SPTY2D1: variants seen among roughly 807,000 people sequenced by gnomAD.
The protein encoded by SPTY2D1 is protein SPT2 homolog.
Under a neutral mutation model 64.0 loss-of-function variants are expected in SPTY2D1, and 21 were observed. The observed-to-expected ratio is 0.33, with a 90% CI of 0.23 to 0.47. The LOEUF is 0.47. Among genes scored for constraint, SPTY2D1 ranks in the 20% least tolerant of loss-of-function variants. The pLI is 1.00. For synonymous variants in SPTY2D1, 287 were observed against 286.8 expected, an observed-to-expected ratio of 1.00 and a Z score of -0.01; for missense variants, 724 against 837.2, an observed-to-expected ratio of 0.86 and a Z score of 1.67.
chr11:18,609,342 TA>T lies in SPTY2D1; in HGVS notation c.*518del, dbSNP rs1452649095. The T allele has an allele frequency of 6.5e-6, 1 of 153,440 alleles. No individual in the cohort carries two copies. The highest frequency in any genetic ancestry group is 1.5e-5 in the Non-Finnish European group (1 of 68,618). The allele number at this position is 153,440 out of a possible 1,614,324, so 9.5% of individuals were successfully genotyped here. On this transcript the variant is annotated 3_prime_UTR_variant, in exon 6 of 6. Coordinates refer to ENST00000336349, the MANE Select transcript of SPTY2D1 (RefSeq NM_194285.3). ...CAGGATGACATCCATATGATAGTTATAAATTCTACTCTACATTTTCAAGTTC... is the reference window on the plus strand; with the variant it reads ...CAGGATGACATCCATATGATAGTTATAATTCTACTCTACATTTTCAAGTTC...
At chr11:18,622,086 C>CAAAAAAAAAAAAAAAAAAAAAA (rs747593791) in intron 1 of SPTY2D1, among the ~76,000 whole-genome samples, 9 of 11,820 alleles carry the variant, frequency 7.6e-4, no homozygotes, top group African/African-American at 2.1e-3. Flanking sequence ...GACCCTATCT[C>CAAAAAAAAAAAAAAAAAAAAAA]AAAAAAAAAA....
chr11:18,607,390 T>C lies in SPTY2D1; in HGVS notation c.*2471A>G, dbSNP rs568402647. ...GAGCCATGAGTTTTATGAAAACTACTTTCCTTTCACATCATTTGTTAGAGA... is the reference window on the plus strand; with the variant it reads ...GAGCCATGAGTTTTATGAAAACTACCTTCCTTTCACATCATTTGTTAGAGA... On this transcript the variant is annotated 3_prime_UTR_variant, in exon 6 of 6. Coordinates refer to ENST00000336349, the MANE Select transcript of SPTY2D1 (RefSeq NM_194285.3). The C allele has an allele frequency of 1.7e-4, 26 of 152,616 alleles. No homozygotes were observed. Among genetic ancestry groups the C allele is most frequent in the Non-Finnish European group, 3.2e-4 (22 of 68,054 alleles). 9.5% of individuals were successfully genotyped at this position (152,616 alleles called of 1,614,324 possible).
rs1854221220 is a variant in SPTY2D1 at position 18,612,397 on chromosome 11, C to T, written c.1803G>A (p.Met601Ile). The change falls in exon 4 of 6, where the codon ATG becomes ATA. Residue 601 changes from methionine to isoleucine, a missense_variant. This residue lies in a region of SPTY2D1 where 119 missense variants were observed against 172.9 expected (regional missense o/e 0.69). Coordinates refer to ENST00000336349, the MANE Select transcript of SPTY2D1 (RefSeq NM_194285.3). This position sits in a 1 kb window ranked among gnomAD's most constrained non-coding sequence, Gnocchi z 4.6. Reference sequence around the variant, plus strand: ...CTCCTTCATCTTCAATAAAATCTTCCATTTCAGAGTCGTATTCATCATCAT... The same window carrying T: ...CTCCTTCATCTTCAATAAAATCTTCTATTTCAGAGTCGTATTCATCATCAT... Reference protein sequence around the residue: ...DDDDDEYDSEMEDFIEDEGEP... With the variant: ...DDDDDEYDSEIEDFIEDEGEP... The T allele has an allele frequency of 6.2e-7, 1 of 1,611,182 alleles. No individual in the cohort carries two copies. The highest frequency in any genetic ancestry group is 8.5e-7 in the Non-Finnish European group (1 of 1,178,192).
chr11:18,615,734 C>G lies in SPTY2D1; in HGVS notation c.540G>C (p.Gln180His). ...TDLLRLAEKK[Q>H]FEPVEIKVVK... Reference sequence around the variant, plus strand: ...CTACCTTGATTTCCACTGGTTCAAACTGCTTTTTCTCAGCCAGCCTGAGTA... The same window carrying G: ...CTACCTTGATTTCCACTGGTTCAAAGTGCTTTTTCTCAGCCAGCCTGAGTA... The change falls in exon 3 of 6, where the codon CAG (glutamine) becomes CAC (histidine). Residue 180 changes from glutamine (Q) to histidine (H), a missense_variant. This residue lies in a region of SPTY2D1 where 179 missense variants were observed against 232.5 expected (regional missense o/e 0.77). Coordinates refer to ENST00000336349, the MANE Select transcript of SPTY2D1 (RefSeq NM_194285.3). 6.2e-7 allele frequency: 1 copy of G among 1,613,870 alleles called. No individual in the cohort carries two copies. Among genetic ancestry groups the G allele is most frequent in the Non-Finnish European group, 8.5e-7 (1 of 1,179,884 alleles).
At chr11:18,621,663 C>G (rs1457166702) in intron 1 of SPTY2D1, among the ~76,000 whole-genome samples, 1 of 152,122 alleles carries the variant, frequency 6.6e-6, no homozygotes, top group Admixed American at 6.5e-5. Context: ...TATACAATGT[C>G]TATTTTGTTG....
rs1854286241 is a variant in SPTY2D1, at chr11:18,615,605, T to G, written c.669A>C (p.Leu223=). The change falls in exon 3 of 6, where the codon CTA becomes CTC. Residue 223 remains leucine, a synonymous_variant. Transcript: ENST00000336349. ...RRKKLETDGK[L]PPTVSKKAPS... is the part of the protein sequence containing the mutation. ...GTGCCTTTTTGGACACAGTTGGAGG[T>G]AGTTTTCCATCTGTCTCAAGTTTTT... 1.9e-6 allele frequency: 3 copies of G among 1,614,098 alleles called. No individual in the cohort carries two copies. The African/African-American group carries it at 4.0e-5, about 22-fold the overall frequency.
chr11:18,618,864 C>T (rs1250157719), intron 1 of SPTY2D1, among the ~76,000 whole-genome samples: 1 of 152,160 alleles, frequency 6.6e-6, no homozygotes, highest in African/African-American at 2.4e-5. Context: ...TCTAATTCAA[C>T]CTGAAAATCT....
chr11:18,611,656 C>A, intron 4 of SPTY2D1, 102 bp from the exon 5 acceptor site: 1 of 933,622 alleles, frequency 1.1e-6, no homozygotes. Flanking sequence ...AAAACTAAAT[C>A]AAGCACACAT....
Position 18,606,760 on chromosome 11 carries a change from G to A in SPTY2D1, c.*3101C>T. 1 of 387,598 alleles carries A rather than the reference G, an allele frequency of 2.6e-6. No individual in the cohort carries two copies. Among genetic ancestry groups the A allele is most frequent in the Non-Finnish European group, 4.9e-6 (1 of 204,466 alleles). 24.0% of individuals were successfully genotyped at this position (387,598 alleles called of 1,614,324 possible). A position where few individuals can be genotyped will look rare whatever the true frequency, so the allele number is the denominator to read the frequency against. Reference sequence around the variant, plus strand: ...TGTTTTGGTCTCCTGCTATATCTCAGAAATTTACCAATAGCTGCTTTTAAG... The same window carrying A: ...TGTTTTGGTCTCCTGCTATATCTCAAAAATTTACCAATAGCTGCTTTTAAG... On this transcript the variant is annotated 3_prime_UTR_variant, in exon 6 of 6. Coordinates refer to ENST00000336349, the MANE Select transcript of SPTY2D1 (RefSeq NM_194285.3).
chr11:18,613,991 A>G (rs1854246585), intron 3 of SPTY2D1, among the ~76,000 whole-genome samples: 1 of 152,228 alleles, frequency 6.6e-6, no homozygotes, highest in Non-Finnish European at 1.5e-5. Flanking sequence ...CATCCATTGC[A>G]GCATACATAT....
Position 18,615,220 on chromosome 11 carries a change from T to A in SPTY2D1, c.1054A>T (p.Arg352Trp). 1 of 1,614,232 alleles carries A rather than the reference T, an allele frequency of 6.2e-7. No homozygotes were observed. Among genetic ancestry groups the A allele is most frequent in the East Asian group, 2.2e-5 (1 of 44,882 alleles). ...KKSLSHPSHS[R>W]PGPMVTPHNK... ...TGTGGGGTGACCATGGGCCCAGGCC[T>A]GGAATGGCTAGGATGGGACAGAGAT... is the stretch of plus-strand genomic sequence containing the variant. The change falls in exon 3 of 6, where the codon AGG becomes TGG. Residue 352 changes from arginine (R) to tryptophan (W), a missense_variant. Coordinates refer to ENST00000336349, the MANE Select transcript of SPTY2D1 (RefSeq NM_194285.3).
In SPTY2D1 at chr11:18,609,803, AG is replaced by A. The variant is rs909861430; in HGVS notation, c.*57del. ...TGATAAGGGGGCTTCTTCAGTCTGAAGGCAGGAAATCCTTGCAGCAGAGCAG... is the reference window on the plus strand; with the variant it reads ...TGATAAGGGGGCTTCTTCAGTCTGAAGCAGGAAATCCTTGCAGCAGAGCAG... On this transcript the variant is annotated 3_prime_UTR_variant, in exon 6 of 6. Coordinates refer to ENST00000336349, the MANE Select transcript of SPTY2D1 (RefSeq NM_194285.3). The A allele has an allele frequency of 2.6e-6, 4 of 1,527,648 alleles. No homozygotes were observed. In the African/African-American group the frequency reaches 4.1e-5, roughly 16 times the overall value. The allele number at this position is 1,527,648 out of a possible 1,614,324, so 94.6% of individuals were successfully genotyped here.
intron 1 of SPTY2D1, among the ~76,000 whole-genome samples, chr11:18,617,927 G>A (rs918584081): frequency 6.6e-6 from 1 of 152,160 alleles, no homozygotes; most frequent in Admixed American, 6.6e-5. Flanking sequence ...GGACAACAGA[G>A]CAAAACTCCG....
chr11:18,613,764 C>G (rs950996707), intron 3 of SPTY2D1, among the ~76,000 whole-genome samples: 3 of 152,112 alleles, frequency 2.0e-5, no homozygotes, highest in Non-Finnish European at 4.4e-5. Flanking sequence ...TAGCAGGTGC[C>G]ACCAATGATC....
chr11:18,621,924 A>G (rs1204902868), intron 1 of SPTY2D1, among the ~76,000 whole-genome samples: 1 of 151,746 alleles, frequency 6.6e-6, no homozygotes, highest in African/African-American at 2.4e-5. Flanking sequence ...CTGTCTCTCC[A>G]AACAATTTAA....
In SPTY2D1 at chr11:18,620,846, C is replaced by T. The variant is rs1244949693; in HGVS notation, c.61-3857G>A. On this transcript the variant is annotated intron_variant, in intron 1 of 5. Coordinates refer to ENST00000336349, the MANE Select transcript of SPTY2D1 (RefSeq NM_194285.3). ...AGCTTGCAGTGAGCCGAGATCGCGCCACTGCACTCCAGCCTGGGCAACAGA... is the reference window on the plus strand; with the variant it reads ...AGCTTGCAGTGAGCCGAGATCGCGCTACTGCACTCCAGCCTGGGCAACAGA... Among the ~76,000 whole-genome samples, 14 of 143,356 alleles carry T rather than the reference C, an allele frequency of 9.8e-5. 1 individual carries two copies. Among genetic ancestry groups the T allele is most frequent in the Admixed American group, 7.1e-4 (10 of 14,178 alleles). The allele number at this position is 143,356 out of a possible 152,430, so 94.0% of individuals were successfully genotyped here.
At position 18,612,412 on chromosome 11, in the gene SPTY2D1, T is replaced by TTCA. The variant is rs767638403; in HGVS notation, c.1785_1787dup (p.Asp595dup). On this transcript the variant is annotated inframe_insertion, in exon 4 of 6. Transcript: ENST00000336349. This position sits in a 1 kb window ranked among gnomAD's most constrained non-coding sequence, Gnocchi z 4.6. ...TAAAATCTTCCATTTCAGAGTCGTA[T>TTCA]TCATCATCATCGTCATCTTCCTCTT... The TTCA allele has an allele frequency of 1.8e-5, 29 of 1,610,882 alleles. No homozygotes were observed. The highest frequency in any genetic ancestry group is 2.0e-5 in the Non-Finnish European group (24 of 1,177,756).
chr11:18,616,169 A>C (rs1362054370), intron 2 of SPTY2D1, 71 bp from the exon 3 acceptor site: 1 of 1,379,052 alleles, frequency 7.3e-7, no homozygotes, highest in Non-Finnish European at 9.9e-7. Context: ...AAGTGAAAAC[A>C]CAACGTTCAG....
In SPTY2D1 at chr11:18,609,651, G is replaced by A. The variant is rs550035190; in HGVS notation, c.*210C>T. ...AGTTAACTTCATAAGAGCACAAGTG[G>A]GCATTATATCATCTGCATTACAGAT... On this transcript the variant is annotated 3_prime_UTR_variant, in exon 6 of 6. Transcript: ENST00000336349. 7 of 573,798 alleles carry A rather than the reference G, an allele frequency of 1.2e-5. No individual in the cohort carries two copies. In the East Asian group the frequency reaches 2.0e-4, roughly 17 times the overall value. The allele number at this position is 573,798 out of a possible 1,614,324, so 35.5% of individuals were successfully genotyped here. A position where few individuals can be genotyped will look rare whatever the true frequency, so the allele number is the denominator to read the frequency against.
Sources: allele counts gnomAD v4.1 joint callset (sites outside exome capture counted in the v4.1 genomes callset), GRCh38; gene constraint gnomAD v4.1.1; regional missense constraint gnomAD v4.1.1; non-coding constraint Gnocchi (gnomAD v3.1); transcripts MANE v1.5; gene names NCBI Gene and HGNC (gene_info 2026-07-23, HGNC 2026-07-21).